CD6: variants seen among roughly 807,000 people sequenced by gnomAD.
CD6 encodes T-cell differentiation antigen CD6.
In CD6, 53 loss-of-function variants were observed where a neutral mutation model predicts 75.3. That is an observed-to-expected ratio of 0.70 (90% confidence interval 0.56 to 0.88). The LOEUF (loss-of-function observed/expected upper bound fraction) is 0.88, where lower values mean the gene tolerates loss of function less well. CD6 is among the 40% of genes least tolerant of loss of function. The pLI is 0.00. For synonymous variants in CD6, 359 were observed against 381.5 expected, an observed-to-expected ratio of 0.94 and a Z score of 0.69; for missense variants, 770 against 897.1, an observed-to-expected ratio of 0.86 and a Z score of 1.81.
chr11:60,974,623 C>T (rs1857301560), intron 1 of CD6, among the ~76,000 whole-genome samples: 1 of 152,200 alleles, frequency 6.6e-6, no homozygotes, highest in South Asian at 2.1e-4. Flanking sequence ...CTGGGCCTGG[C>T]TTGGTTTGTG....
At chr11:60,993,440 G>C (rs562599592) in intron 1 of CD6, among the ~76,000 whole-genome samples, 7 of 151,486 alleles carry the variant, frequency 4.6e-5, no homozygotes, top group Non-Finnish European at 1.0e-4. Flanking sequence ...CCAAACGAGA[G>C]AAAAGGGATG....
intron 1 of CD6, among the ~76,000 whole-genome samples, chr11:60,995,602 T>C (rs1470569765): frequency 6.6e-6 from 1 of 152,126 alleles, no homozygotes; most frequent in African/African-American, 2.4e-5. Flanking sequence ...CTAAATTCAT[T>C]GGCCCTCCTC....
rs763979774 is a variant in CD6 at position 61,019,354 on chromosome 11, C to G, written c.*36C>G. ...GCCGAGGCTCCTGGGGTGGCTCTGA[C>G]CCTCTGGCCTCCTGCTCTACCTACT... On this transcript the variant is annotated 3_prime_UTR_variant, in exon 13 of 13. Coordinates refer to ENST00000313421, the MANE Select transcript of CD6 (RefSeq NM_006725.5). The G allele has an allele frequency of 4.5e-5, 70 of 1,551,576 alleles. No homozygotes were observed. Among genetic ancestry groups the G allele is most frequent in the Non-Finnish European group, 5.9e-5 (67 of 1,135,534 alleles).
chr11:60,983,329 C>T (rs1256626257), intron 1 of CD6, among the ~76,000 whole-genome samples: 2 of 151,970 alleles, frequency 1.3e-5, no homozygotes, highest in Non-Finnish European at 2.9e-5. Flanking sequence ...TGACCTCAAG[C>T]GATCCTCCTG....
In CD6 at chr11:61,013,473, C is replaced by T. The variant is rs1859246717; in HGVS notation, c.1201C>T (p.Leu401Phe). The T allele has an allele frequency of 6.2e-7, 1 of 1,613,830 alleles. No homozygotes were observed. Among genetic ancestry groups the T allele is most frequent in the South Asian group, 1.1e-5 (1 of 91,078 alleles). Residue 401 changes from leucine (L) to phenylalanine (F), a missense_variant, in exon 7 of 13, where the codon CTC becomes TTC. Transcript: ENST00000313421. The stretch of plus-strand genomic sequence containing the variant: ...GAACAAGGAATCTCGGGAGCTAATG[C>T]TCCTCATCCCCTCCATCGTTCTGGG... ...IENKESRELM[L>F]LIPSIVLGIL...
At chr11:61,017,593 C>A in intron 10 of CD6, 43 bp downstream of exon 10, 1 of 1,557,694 alleles carries the variant, frequency 6.4e-7, no homozygotes, top group South Asian at 1.1e-5. Flanking sequence ...GTCCCACCTC[C>A]AGAGAGTAGC....
chr11:61,003,733 C>T (rs1469071898), intron 1 of CD6, among the ~76,000 whole-genome samples: 1 of 152,000 alleles, frequency 6.6e-6, no homozygotes, highest in Non-Finnish European at 1.5e-5. Flanking sequence ...GACACTGTCT[C>T]AAAACAAAAA....
intron 1 of CD6, among the ~76,000 whole-genome samples, chr11:61,000,232 T>G (rs1858515055): frequency 6.6e-6 from 1 of 152,146 alleles, no homozygotes; most frequent in African/African-American, 2.4e-5. Flanking sequence ...AGTTCCCAGA[T>G]GTGGAATTAC....
At chr11:60,988,444 C>T (rs1408422346) in intron 1 of CD6, among the ~76,000 whole-genome samples, 1 of 152,154 alleles carries the variant, frequency 6.6e-6, no homozygotes, top group Non-Finnish European at 1.5e-5. Context: ...TGGTGCCTCC[C>T]CCAGGTTCTC....
chr11:60,971,996 CT>C, intron 1 of CD6, 82 bp downstream of exon 1: 1 of 1,395,680 alleles, frequency 7.2e-7, no homozygotes. Flanking sequence ...TGGTTGTTTC[CT>C]TGTGGTCACT....
In CD6 at chr11:61,007,556, C is replaced by A; in HGVS notation, c.119-4C>A. On this transcript the variant is annotated splice_polypyrimidine_tract_variant and splice_region_variant and intron_variant, in intron 2 of 12. Coordinates refer to ENST00000313421, the MANE Select transcript of CD6 (RefSeq NM_006725.5). The surrounding 1 kb of genome is among the most constrained non-coding windows in gnomAD (Gnocchi z 4.2). ...GTCTCAGCTCTCTGGTCTGACACTT[C>A]CAGGGGAGCGGCTTCCGGTCCGTCT... 1 of 1,487,722 alleles carries A rather than the reference C, an allele frequency of 6.7e-7. No homozygotes were observed. Among genetic ancestry groups the A allele is most frequent in the Non-Finnish European group, 8.9e-7 (1 of 1,117,998 alleles). 92.2% of individuals were successfully genotyped at this position (1,487,722 alleles called of 1,614,324 possible).
chr11:60,980,843 ATAATTAAT>A (rs1330906148), intron 1 of CD6, among the ~76,000 whole-genome samples: 7 of 152,128 alleles, frequency 4.6e-5, no homozygotes, highest in Admixed American at 6.6e-5. Flanking sequence ...CTGTTTCAAA[ATAATTAAT>A]TAATTAATTA....
Position 61,020,347 on chromosome 11 carries a change from T to C in CD6, c.*1029T>C, listed in dbSNP as rs1859613137. 2 of 398,882 alleles carry C rather than the reference T, an allele frequency of 5.0e-6. No individual in the cohort carries two copies. The highest frequency in any genetic ancestry group is 1.3e-4 in the South Asian group (1 of 7,830). The allele number at this position is 398,882 out of a possible 1,614,324, so 24.7% of individuals were successfully genotyped here. On this transcript the variant is annotated 3_prime_UTR_variant, in exon 13 of 13. Coordinates refer to ENST00000313421, the MANE Select transcript of CD6 (RefSeq NM_006725.5). ...AGGCTTTGTTGTCCTGCTCTGAGTA[T>C]CCTGAGATTAAACTGAATTGCTGAA...
chr11:60,978,111 G>A (rs1483457977), intron 1 of CD6, among the ~76,000 whole-genome samples: 1 of 152,192 alleles, frequency 6.6e-6, no homozygotes, highest in Non-Finnish European at 1.5e-5. Flanking sequence ...TCCTCATCAT[G>A]TAATATAGTG....
chr11:60,975,319 G>T (rs1857324453), intron 1 of CD6, among the ~76,000 whole-genome samples: 1 of 152,178 alleles, frequency 6.6e-6, no homozygotes, highest in Admixed American at 6.5e-5. Flanking sequence ...TGTGATGATA[G>T]TCCAAATTGA....
At chr11:60,990,979 A>G (rs1236303055) in intron 1 of CD6, among the ~76,000 whole-genome samples, 1 of 151,988 alleles carries the variant, frequency 6.6e-6, no homozygotes, top group Non-Finnish European at 1.5e-5. Flanking sequence ...CTTCTGTTAC[A>G]AACAGTTCCG....
At chr11:60,993,160 C>T (rs1858135755) in intron 1 of CD6, among the ~76,000 whole-genome samples, 1 of 152,174 alleles carries the variant, frequency 6.6e-6, no homozygotes, top group Admixed American at 6.5e-5. Context: ...AGAGGAACTC[C>T]TGTTACCACA....
intron 1 of CD6, among the ~76,000 whole-genome samples, chr11:60,990,004 AT>A (rs532026046): frequency 6.6e-6 from 1 of 152,250 alleles, no homozygotes; most frequent in South Asian, 2.1e-4. Flanking sequence ...TTATTTTAAA[AT>A]TTTTTTGTTT....
intron 9 of CD6, among the ~76,000 whole-genome samples, chr11:61,016,209 T>A (rs1859398924): frequency 1.3e-5 from 2 of 152,128 alleles, no homozygotes; most frequent in South Asian, 4.1e-4. Flanking sequence ...TCCCTCCGTG[T>A]CCCATCCTGC....
Sources: allele counts gnomAD v4.1 joint callset (sites outside exome capture counted in the v4.1 genomes callset), GRCh38; gene constraint gnomAD v4.1.1; non-coding constraint Gnocchi (gnomAD v3.1); transcripts MANE v1.5; gene names NCBI Gene and HGNC (gene_info 2026-07-23, HGNC 2026-07-21).